Variants in NRG1 observed in about 807,000 individuals in gnomAD.
The protein encoded by NRG1 is neuregulin 1.
A neutral mutation model predicts 63.8 loss-of-function variants in NRG1; 18 were observed. That is an observed-to-expected ratio of 0.28 (90% CI 0.19 to 0.42). The LOEUF is 0.42. Ranked by LOEUF, NRG1 falls within the 10% of genes least tolerant of loss-of-function variation. The probability of loss-of-function intolerance (pLI) is 1.00; values close to 1 mark genes in which losing one functional copy is unlikely to be tolerated. For missense variants in NRG1, 762 were observed against 814.7 expected (o/e 0.94, Z 0.79); for synonymous variants, 302 against 301.3 (o/e 1.00, Z -0.02).
intron 1 of NRG1, among the ~76,000 whole-genome samples, chr8:32,562,531 G>C (rs774342213): frequency 1.3e-5 from 2 of 152,182 alleles, no homozygotes; most frequent in Non-Finnish European, 2.9e-5. Flanking sequence ...TTATAGGCAT[G>C]AACCACTGTG....
chr8:32,338,679 G>A (rs1456398478), intron 1 of NRG1, among the ~76,000 whole-genome samples: 2 of 152,200 alleles, frequency 1.3e-5, no homozygotes, highest in Middle Eastern at 3.4e-3. Flanking sequence ...GATATTTTAT[G>A]AAACATTTTT....
chr8:32,656,218 T>G (rs1801458623), intron 5 of NRG1, among the ~76,000 whole-genome samples: 2 of 152,076 alleles, frequency 1.3e-5, no homozygotes, highest in Admixed American at 6.6e-5. Context: ...AATGAGCAGA[T>G]AAAAATATTT....
chr8:32,027,130 A>T (rs1817505241), intron 1 of NRG1, among the ~76,000 whole-genome samples: 1 of 152,036 alleles, frequency 6.6e-6, no homozygotes, highest in Admixed American at 6.6e-5. Context: ...TTCCTCTATT[A>T]TATTACATTA....
chr8:32,733,352 TTA>T (rs1276895869), intron 6 of NRG1, among the ~76,000 whole-genome samples: 1 of 152,136 alleles, frequency 6.6e-6, no homozygotes, highest in East Asian at 1.9e-4. Context: ...CCTTATTATA[TTA>T]TACATTATTA....
chr8:32,132,314 C>G (rs1473665212), intron 1 of NRG1, among the ~76,000 whole-genome samples: 1 of 152,064 alleles, frequency 6.6e-6, no homozygotes, highest in Non-Finnish European at 1.5e-5. Context: ...CTGAAATAAG[C>G]AACATTTTAG....
chr8:31,743,573 T>G (rs919544493), intron 1 of NRG1, among the ~76,000 whole-genome samples: 1 of 151,248 alleles, frequency 6.6e-6, no homozygotes, highest in African/African-American at 2.4e-5. Flanking sequence ...TGTGTGTGTG[T>G]GGGTGTGTGT....
intron 1 of NRG1, among the ~76,000 whole-genome samples, chr8:31,784,793 G>A (rs1820023517): frequency 6.6e-6 from 1 of 152,094 alleles, no homozygotes; most frequent in Admixed American, 6.6e-5. Context: ...CCCTGGTTTG[G>A]TGCCCATACT....
chr8:32,258,907 A>T (rs1342273110), intron 1 of NRG1, among the ~76,000 whole-genome samples: 2 of 152,296 alleles, frequency 1.3e-5, no homozygotes, highest in South Asian at 4.2e-4. Context: ...TAACCACTAC[A>T]TTATATAACC....
chr8:32,591,634 A>G (rs1842540625), intron 1 of NRG1, among the ~76,000 whole-genome samples: 1 of 152,212 alleles, frequency 6.6e-6, no homozygotes, highest in Non-Finnish European at 1.5e-5. Context: ...CCGCTTGCAG[A>G]ATTTAAATGA....
intron 1 of NRG1, among the ~76,000 whole-genome samples, chr8:31,853,296 G>T (rs1827461802): frequency 6.6e-6 from 1 of 151,086 alleles, no homozygotes; most frequent in Non-Finnish European, 1.5e-5. Context: ...TTGAGCAGTG[G>T]TTTGTAGTTC....
intron 1 of NRG1, among the ~76,000 whole-genome samples, chr8:31,991,648 A>T (rs1267600133): frequency 6.6e-6 from 1 of 151,960 alleles, no homozygotes; most frequent in Admixed American, 6.6e-5. Context: ...TCTGATTCCA[A>T]CACCCACACT....
In NRG1 at chr8:32,366,677, G is replaced by GTATATATA. The variant is rs71208175; in HGVS notation, c.38-229121_38-229114dup. Reference sequence around the variant, plus strand: ...ATTGTGTGTGTGTGTGTGTGTGTGTGTATATATATATATATATATATATAT... The same window carrying GTATATATA: ...ATTGTGTGTGTGTGTGTGTGTGTGTGTATATATATATATATATATATATATATATATAT... On this transcript the variant is annotated intron_variant, in intron 1 of 10. Coordinates refer to the NRG1 transcript ENST00000519301. 9.1e-3 allele frequency among the ~76,000 whole-genome samples: 794 copies of GTATATATA among 87,074 alleles called. 9 individuals carry two copies. Among genetic ancestry groups the GTATATATA allele is most frequent in the South Asian group, 0.012 (32 of 2,570 alleles). 57.1% of individuals were successfully genotyped at this position (87,074 alleles called of 152,430 possible).
chr8:32,524,292 C>T (rs35982639), intron 1 of NRG1, among the ~76,000 whole-genome samples: 23,718 of 151,984 alleles, frequency 0.16, 2,396 homozygotes, highest in Admixed American at 0.3. Flanking sequence ...GCTGTGATTT[C>T]CCTAGTCTTT....
At chr8:32,264,822 AAAG>A (rs1850746284) in intron 1 of NRG1, among the ~76,000 whole-genome samples, 1 of 152,164 alleles carries the variant, frequency 6.6e-6, no homozygotes, top group African/African-American at 2.4e-5. Context: ...GGAAAAAAAA[AAAG>A]GATTCTGAAA....
At chr8:32,761,889 A>C (rs1299138661) in intron 11 of NRG1, among the ~76,000 whole-genome samples, 2 of 151,942 alleles carry the variant, frequency 1.3e-5, no homozygotes, top group Non-Finnish European at 2.9e-5. Context: ...AAATACAAAA[A>C]TTAGCTGGGT....
At chr8:31,979,136 C>G (rs959323409) in intron 1 of NRG1, among the ~76,000 whole-genome samples, 10 of 152,124 alleles carry the variant, frequency 6.6e-5, no homozygotes, top group East Asian at 1.9e-4. Context: ...AGCAGGTCAG[C>G]ACAATGACTC....
At chr8:32,450,579 C>CTATTTTTTG (rs1263769400) in intron 1 of NRG1, among the ~76,000 whole-genome samples, 1 of 152,072 alleles carries the variant, frequency 6.6e-6, no homozygotes, top group Admixed American at 6.6e-5. Flanking sequence ...CCACACCTGG[C>CTATTTTTTG]TATTTTTTGT....
At chr8:32,056,692 T>A (rs1823002658) in intron 1 of NRG1, among the ~76,000 whole-genome samples, 1 of 152,190 alleles carries the variant, frequency 6.6e-6, no homozygotes, top group Non-Finnish European at 1.5e-5. Context: ...GCACTGAAAA[T>A]ACCTCTATTT....
chr8:32,655,125 A>G lies in NRG1; in HGVS notation c.502+38240A>G, dbSNP rs1801178026. On this transcript the variant is annotated intron_variant, in intron 5 of 11. Transcript: ENST00000356819. Reference sequence around the variant, plus strand: ...ACATAAAAAATATGAAACCAGCACCAATTTTGTCCCTCATTCTATTTTAAC... The same window carrying G: ...ACATAAAAAATATGAAACCAGCACCGATTTTGTCCCTCATTCTATTTTAAC... Among the ~76,000 whole-genome samples, 9 of 152,144 alleles carry G rather than the reference A, an allele frequency of 5.9e-5. 1 individual carries two copies. The South Asian group carries it at 1.7e-3, about 28-fold the overall frequency.
Sources: gnomAD v4.1 joint callset for allele counts (sites outside exome capture counted in the v4.1 genomes callset) on GRCh38, gnomAD v4.1.1 for gene constraint, MANE v1.5 for transcripts, NCBI Gene and HGNC (gene_info 2026-07-23, HGNC 2026-07-21) for gene names.